Variants in KLHL42 observed in about 807,000 individuals in gnomAD.
The protein encoded by KLHL42 is kelch-like protein 42.
Under a neutral mutation model 32.7 loss-of-function variants are expected in KLHL42, and 27 were observed. The observed-to-expected ratio is 0.83, with a 90% CI of 0.61 to 1.14. The LOEUF (loss-of-function observed/expected upper bound fraction) is 1.14. Among genes scored for constraint, KLHL42 ranks in the 50% most tolerant of loss-of-function variants. KLHL42 has a pLI of 0.00. For synonymous variants in KLHL42, 267 were observed against 248.2 expected, an observed-to-expected ratio of 1.08 and a Z score of -0.71; for missense variants, 491 against 560.8, an observed-to-expected ratio of 0.88 and a Z score of 1.26.
At chr12:27,793,700 T>C (rs1463906552) in intron 2 of KLHL42, among the ~76,000 whole-genome samples, 5 of 152,242 alleles carry the variant, frequency 3.3e-5, no homozygotes, top group Non-Finnish European at 5.9e-5. Flanking sequence ...TATTTCTGCA[T>C]TTGGTCTGTG....
rs1456300890 is a variant in KLHL42, at chr12:27,780,550, G to A, written c.220G>A (p.Ala74Thr). The change falls in exon 1 of 3, where the codon GCC (alanine) becomes ACC (threonine). Residue 74 changes from alanine (A) to threonine (T), a missense_variant. Ala to Thr is a moderately conservative substitution (Grantham distance 58, BLOSUM62 0). Around this residue, in one of 4 missense-constraint regions of KLHL42, gnomAD observed 248 missense variants for 329.2 expected, o/e 0.75. Coordinates refer to ENST00000381271, the MANE Select transcript of KLHL42 (RefSeq NM_020782.2). This position sits in a 1 kb window ranked among gnomAD's most constrained non-coding sequence, Gnocchi z 8.8. ...GCTGGACTTCATCAACGCCGGCGGG[G>A]CCCGCGAAGGCTGGCTCCTGGGCCC... Reference protein sequence around the residue: ...LVLDFINAGGAREGWLLGPRG... With the variant: ...LVLDFINAGGTREGWLLGPRG... The A allele has an allele frequency of 2.0e-6, 3 of 1,528,560 alleles. No homozygotes were observed. In the African/African-American group the frequency reaches 4.1e-5, roughly 21 times the overall value. 94.7% of individuals were successfully genotyped at this position (1,528,560 alleles called of 1,614,324 possible).
At chr12:27,783,046 T>G (rs914698168) in intron 1 of KLHL42, among the ~76,000 whole-genome samples, 4 of 152,136 alleles carry the variant, frequency 2.6e-5, no homozygotes, top group Non-Finnish European at 4.4e-5. Flanking sequence ...CCATATAACT[T>G]TTGACTCTCC....
Position 27,802,070 on chromosome 12 carries a change from A to G in KLHL42, c.*3904A>G, listed in dbSNP as rs2062250144. ...CCTTTGTTTTTGTGATTTACTAACAATCATCACGAACCAGTTTTGTTTTTC... is the reference window on the plus strand; with the variant it reads ...CCTTTGTTTTTGTGATTTACTAACAGTCATCACGAACCAGTTTTGTTTTTC... On this transcript the variant is annotated 3_prime_UTR_variant, in exon 3 of 3. Coordinates refer to ENST00000381271, the MANE Select transcript of KLHL42 (RefSeq NM_020782.2). 1.3e-5 allele frequency: 2 copies of G among 152,150 alleles called. No homozygotes were observed. The highest frequency in any genetic ancestry group is 1.3e-4 in the Admixed American group (2 of 15,284). The allele number at this position is 152,150 out of a possible 1,614,324, so 9.4% of individuals were successfully genotyped here. A position where few individuals can be genotyped will look rare whatever the true frequency, so the allele number is the denominator to read the frequency against.
At chr12:27,790,988 G>A (rs1413170673) in intron 1 of KLHL42, among the ~76,000 whole-genome samples, 1 of 152,216 alleles carries the variant, frequency 6.6e-6, no homozygotes, top group Non-Finnish European at 1.5e-5. Flanking sequence ...TTGAGCCCAG[G>A]AGTTCAAGGC....
At chr12:27,784,812 A>AT (rs1241310381) in intron 1 of KLHL42, among the ~76,000 whole-genome samples, 6 of 152,106 alleles carry the variant, frequency 3.9e-5, no homozygotes, top group Non-Finnish European at 7.3e-5. Context: ...CACTAGTGTG[A>AT]TTTTTCCCAA....
chr12:27,794,578 A>G (rs75877768), intron 2 of KLHL42, among the ~76,000 whole-genome samples: 2,929 of 152,094 alleles, frequency 0.019, 36 homozygotes, highest in South Asian at 0.03. Flanking sequence ...TGCAGGCTCA[A>G]CCTCCTGGGT....
At chr12:27,789,551 A>G (rs2062187403) in intron 1 of KLHL42, among the ~76,000 whole-genome samples, 1 of 152,216 alleles carries the variant, frequency 6.6e-6, no homozygotes, top group Non-Finnish European at 1.5e-5. Context: ...CTTAGGACAA[A>G]TGATTATGCT....
At chr12:27,781,290 A>C in intron 1 of KLHL42, 88 bp downstream of exon 1, 1 of 1,417,570 alleles carries the variant, frequency 7.1e-7, no homozygotes, top group Non-Finnish European at 9.6e-7. Context: ...GCCAGTAAAT[A>C]GGGGAGGGTG....
chr12:27,786,301 T>G (rs1470309830), intron 1 of KLHL42, among the ~76,000 whole-genome samples: 1 of 152,232 alleles, frequency 6.6e-6, no homozygotes, highest in African/African-American at 2.4e-5. Flanking sequence ...TTTTCAAAAT[T>G]TCATCATGTG....
chr12:27,780,571 G>A lies in KLHL42; in HGVS notation c.241G>A (p.Gly81Ser). The A allele has an allele frequency of 6.5e-7, 1 of 1,538,098 alleles. No homozygotes were observed. Among genetic ancestry groups the A allele is most frequent in the Non-Finnish European group, 8.7e-7 (1 of 1,146,012 alleles). The part of the protein sequence containing the change: ...AGGAREGWLL[G>S]PRGEKGGGVD... Reference sequence around the variant, plus strand: ...CGGGGCCCGCGAAGGCTGGCTCCTGGGCCCGCGCGGGGAAAAGGGCGGCGG... The same window carrying A: ...CGGGGCCCGCGAAGGCTGGCTCCTGAGCCCGCGCGGGGAAAAGGGCGGCGG... The change falls in exon 1 of 3, where the codon GGC (glycine) becomes AGC (serine). Residue 81 changes from glycine to serine, a missense_variant. Physicochemically the swap from Gly to Ser is moderately conservative, Grantham distance 56. Around this residue, in one of 4 missense-constraint regions of KLHL42, gnomAD observed 248 missense variants for 329.2 expected, o/e 0.75. Coordinates refer to ENST00000381271, the MANE Select transcript of KLHL42 (RefSeq NM_020782.2). This position sits in a 1 kb window ranked among gnomAD's most constrained non-coding sequence, Gnocchi z 8.8.
In KLHL42 at chr12:27,800,350, G is replaced by GT. The variant is rs56991767; in HGVS notation, c.*2184_*2185insT. On this transcript the variant is annotated 3_prime_UTR_variant, in exon 3 of 3. Transcript: ENST00000381271. ...GGTTTGAGGTTGTGTGTGTGTGTGGGGGTGTGTGTGTGTGTGTGTGTGTAT... is the reference window on the plus strand; with the variant it reads ...GGTTTGAGGTTGTGTGTGTGTGTGGGTGGTGTGTGTGTGTGTGTGTGTGTAT... 0.33 allele frequency: 288,446 copies of GT among 886,566 alleles called. 39,351 individuals carry two copies. The highest frequency in any genetic ancestry group is 0.35 in the Admixed American group (4,398 of 12,574). 54.9% of individuals were successfully genotyped at this position (886,566 alleles called of 1,614,324 possible).
chr12:27,791,998 G>A (rs2062199461), intron 2 of KLHL42, 97 bp downstream of exon 2: 3 of 978,566 alleles, frequency 3.1e-6, no homozygotes, highest in Admixed American at 1.9e-5. Flanking sequence ...ACATATCCGA[G>A]TGTCATGTTA....
intron 2 of KLHL42, chr12:27,792,134 T>A: frequency 3.1e-6 from 1 of 322,214 alleles, no homozygotes. Context: ...AAGGGAGAGC[T>A]GTGAAAAAAA....
chr12:27,780,511 G>T lies in KLHL42; in HGVS notation c.181G>T (p.Gly61Cys), dbSNP rs1182192385. The T allele has an allele frequency of 1.3e-6, 2 of 1,541,598 alleles. No homozygotes were observed. The highest frequency in any genetic ancestry group is 2.5e-5 in the East Asian group (1 of 40,006). ...VQQLRGLSAP[G>C]LRLVLDFINA... ...GCAGCTGCGCGGCCTCAGCGCGCCGGGCCTGCGGCTGGTGCTGGACTTCAT... is the reference window on the plus strand; with the variant it reads ...GCAGCTGCGCGGCCTCAGCGCGCCGTGCCTGCGGCTGGTGCTGGACTTCAT... Residue 61 changes from glycine to cysteine, a missense_variant, in exon 1 of 3, where the codon GGC becomes TGC. Around this residue, in one of 4 missense-constraint regions of KLHL42, gnomAD observed 88 missense variants for 89.0 expected, o/e 0.99. Transcript: ENST00000381271. The surrounding 1 kb of genome is among the most constrained non-coding windows in gnomAD (Gnocchi z 8.8).
intron 1 of KLHL42, among the ~76,000 whole-genome samples, chr12:27,786,595 C>G (rs1439250159): frequency 2.0e-5 from 3 of 151,956 alleles, no homozygotes; most frequent in African/African-American, 7.3e-5. Context: ...TCGGAGACTG[C>G]TTTGGGATGT....
At position 27,793,547 on chromosome 12, in the gene KLHL42, T is replaced by TA. The variant is rs1294299950; in HGVS notation, c.1066+1660dup. The stretch of plus-strand genomic sequence containing the variant: ...ACAGAGTGAGACCCAGTCTCTAAAA[T>TA]AAAAAAAAAAAAAAGAAAAGAAAAA... On this transcript the variant is annotated intron_variant, in intron 2 of 2. Transcript: ENST00000381271. Among the ~76,000 whole-genome samples the TA allele has an allele frequency of 7.9e-3, 857 of 108,842 alleles. 2 individuals are homozygous for TA. The highest frequency in any genetic ancestry group is 0.011 in the Non-Finnish European group (542 of 51,420). 71.4% of individuals were successfully genotyped at this position (108,842 alleles called of 152,430 possible).
intron 2 of KLHL42, 39 bp from the exon 3 acceptor site, chr12:27,797,676 A>G: frequency 1.5e-6 from 1 of 673,062 alleles, no homozygotes; most frequent in Non-Finnish European, 2.7e-6. Context: ...TAGTGGTGTT[A>G]GTGGAGGCGG....
At chr12:27,789,789 C>T (rs996717446) in intron 1 of KLHL42, among the ~76,000 whole-genome samples, 3 of 152,120 alleles carry the variant, frequency 2.0e-5, no homozygotes, top group African/African-American at 7.2e-5. Context: ...TACCTGCCAC[C>T]CTGACGTCTG....
rs1245819285 is a variant in KLHL42, at chr12:27,791,342, T to TG, written c.873-362dup. On this transcript the variant is annotated intron_variant, in intron 1 of 2. Transcript: ENST00000381271. The stretch of plus-strand genomic sequence containing the variant: ...ACCCATTCTGAGAGGTGAAAGACAA[T>TG]GGGGTGATGTGGGTGCCTTCCCCTC... 3.3e-5 allele frequency among the ~76,000 whole-genome samples: 5 copies of TG among 152,138 alleles called. No individual in the cohort carries two copies. In the South Asian group the frequency reaches 8.3e-4, roughly 25 times the overall value.
Sources: allele counts gnomAD v4.1 joint callset (sites outside exome capture counted in the v4.1 genomes callset), GRCh38; gene constraint gnomAD v4.1.1; regional missense constraint gnomAD v4.1.1; non-coding constraint Gnocchi (gnomAD v3.1); transcripts MANE v1.5; gene names NCBI Gene and HGNC (gene_info 2026-07-23, HGNC 2026-07-21).